Variants in ZFHX3 observed in about 807,000 individuals in gnomAD.
ZFHX3 encodes zinc finger homeobox protein 3.
Under a neutral mutation model 279.1 loss-of-function variants are expected in ZFHX3, and 42 were observed. That is an observed-to-expected ratio of 0.15 (90% CI 0.12 to 0.19). The LOEUF (loss-of-function observed/expected upper bound fraction) is 0.19. ZFHX3 is among the 10% of genes least tolerant of loss of function. The pLI is 1.00. For synonymous variants in ZFHX3, 2,293 were observed against 1,957.8 expected, an observed-to-expected ratio of 1.17 and a Z score of -4.52; for missense variants, 4,981 against 4,754.0, an observed-to-expected ratio of 1.05 and a Z score of -1.40.
chr16:73,526,900 C>T, intron 2 of ZFHX3, among the ~76,000 whole-genome samples: 1 of 151,620 alleles, frequency 6.6e-6, no homozygotes, highest in East Asian at 1.9e-4. Context: ...TTCGGTACCT[C>T]TTTGATTACA....
chr16:73,634,435 TATATATATA>T (rs2052509100), intron 2 of ZFHX3, among the ~76,000 whole-genome samples: 1 of 130,642 alleles, frequency 7.7e-6, no homozygotes, highest in African/African-American at 3.3e-5. Context: ...TTATGTATAA[TATATATATA>T]TATATATATA....
chr16:73,265,111 A>C (rs74831182), intron 4 of ZFHX3, among the ~76,000 whole-genome samples: 2 of 95,966 alleles, frequency 2.1e-5, no homozygotes, highest in African/African-American at 6.6e-5. Flanking sequence ...GTGTGTGTGT[A>C]TATAACAGTT....
chr16:72,844,214 C>T (rs2143802418), intron 4 of ZFHX3, among the ~76,000 whole-genome samples: 1 of 152,284 alleles, frequency 6.6e-6, no homozygotes, highest in South Asian at 2.1e-4. Context: ...TAGCAAAAGC[C>T]AAGTAATTGC....
At chr16:72,891,601 C>T (rs1211409004) in intron 3 of ZFHX3, among the ~76,000 whole-genome samples, 1 of 152,140 alleles carries the variant, frequency 6.6e-6, no homozygotes, top group African/African-American at 2.4e-5. Flanking sequence ...AAACACTCCC[C>T]AAAAGCTTAA....
chr16:73,737,157 C>T (rs376920655), intron 1 of ZFHX3, among the ~76,000 whole-genome samples: 5 of 152,230 alleles, frequency 3.3e-5, no homozygotes, highest in African/African-American at 1.2e-4. Context: ...CTTCAACTTC[C>T]GAAGTAGCTG....
chr16:73,164,875 T>C (rs1007380059), intron 5 of ZFHX3, among the ~76,000 whole-genome samples: 5 of 152,212 alleles, frequency 3.3e-5, no homozygotes, highest in African/African-American at 9.6e-5. Flanking sequence ...ATGAGGCAAA[T>C]GAGTTGCAAG....
chr16:73,659,680 A>T (rs997443234), intron 2 of ZFHX3, among the ~76,000 whole-genome samples: 1 of 152,156 alleles, frequency 6.6e-6, no homozygotes, highest in Non-Finnish European at 1.5e-5. Flanking sequence ...GGCAAAGTCT[A>T]TCCTCCATTT....
In ZFHX3 at chr16:72,858,569, T is replaced by C. The variant is rs570653537; in HGVS notation, c.3449-28710A>G. Among the ~76,000 whole-genome samples the C allele has an allele frequency of 3.3e-5, 5 of 152,318 alleles. No individual in the cohort carries two copies. In the East Asian group the frequency reaches 9.6e-4, roughly 29 times the overall value. On this transcript the variant is annotated intron_variant, in intron 4 of 9. Transcript: ENST00000268489. ...TATCACTGGCTGTACATCAGCAGGGTAGCCAAGTTATGAATGACCTTTCTG... is the reference window on the plus strand; with the variant it reads ...TATCACTGGCTGTACATCAGCAGGGCAGCCAAGTTATGAATGACCTTTCTG...
chr16:73,623,098 G>A (rs376837783), intron 2 of ZFHX3, among the ~76,000 whole-genome samples: 3 of 151,640 alleles, frequency 2.0e-5, no homozygotes, highest in African/African-American at 7.3e-5. Flanking sequence ...CTGCAGTGGC[G>A]CTATCTCGGC....
At chr16:73,024,626 G>A (rs1306319402) in intron 1 of ZFHX3, among the ~76,000 whole-genome samples, 1 of 152,220 alleles carries the variant, frequency 6.6e-6, no homozygotes, top group Non-Finnish European at 1.5e-5. Flanking sequence ...TCCAATGGCA[G>A]CCTTGGGCTG....
Position 72,958,494 on chromosome 16 carries a change from C to T in ZFHX3, c.1652G>A (p.Ser551Asn), listed in dbSNP as rs1331980536. ...QTLSRGTAST[S>N]SNSASSFVVF... ...AACAAAGGAAGAAGCAGAATTAGAA[C>T]TAGTAGAAGCTGTGCCCCTCGACAG... Residue 551 changes from serine (S) to asparagine (N), a missense_variant, in exon 2 of 10, where the codon AGT (serine) becomes AAT (asparagine). Around this residue, in one of 7 missense-constraint regions of ZFHX3, gnomAD observed 1,068 missense variants for 935.2 expected, o/e 1.14. Transcript: ENST00000268489. The T allele has an allele frequency of 1.9e-6, 3 of 1,614,000 alleles. No individual in the cohort carries two copies. Among genetic ancestry groups the T allele is most frequent in the Admixed American group, 1.7e-5 (1 of 60,016 alleles).
At chr16:73,887,433 C>T (rs976812439) in intron 1 of ZFHX3, among the ~76,000 whole-genome samples, 1 of 152,160 alleles carries the variant, frequency 6.6e-6, no homozygotes, top group African/African-American at 2.4e-5. Context: ...GATTTCTATA[C>T]ATGTTCTATA....
At chr16:72,881,152 C>A (rs1198630304) in intron 4 of ZFHX3, among the ~76,000 whole-genome samples, 1 of 152,224 alleles carries the variant, frequency 6.6e-6, no homozygotes, top group Non-Finnish European at 1.5e-5. Flanking sequence ...ACCTTCTGAA[C>A]TGCTCTAGAA....
intron 4 of ZFHX3, among the ~76,000 whole-genome samples, chr16:72,850,086 T>C (rs2037578420): frequency 6.6e-6 from 1 of 152,136 alleles, no homozygotes; most frequent in African/African-American, 2.4e-5. Context: ...ATAGAAATGA[T>C]TCAGGCCCCA....
chr16:73,488,650 T>C (rs1290921672), intron 2 of ZFHX3, among the ~76,000 whole-genome samples: 1 of 152,176 alleles, frequency 6.6e-6, no homozygotes, highest in Non-Finnish European at 1.5e-5. Flanking sequence ...GGCACTTGTC[T>C]GACTTAGGAA....
At position 73,139,063 on chromosome 16, in the gene ZFHX3, C is replaced by G. The variant is rs78123707; in HGVS notation, c.-1024+4689G>C. On this transcript the variant is annotated intron_variant, in intron 6 of 17. Transcript: ENST00000641206. ...AACATTTGGTTGAAGGGGACAGCAT[C>G]TCCAGCAATTCCGCCTTACAGAAAT... Among the ~76,000 whole-genome samples the G allele has an allele frequency of 9.4e-3, 1,439 of 152,294 alleles. 24 individuals carry two copies. Among genetic ancestry groups the G allele is most frequent in the African/African-American group, 0.033 (1,372 of 41,542 alleles).
chr16:72,986,571 T>G (rs1346364340), intron 1 of ZFHX3, among the ~76,000 whole-genome samples: 1 of 152,178 alleles, frequency 6.6e-6, no homozygotes, highest in Non-Finnish European at 1.5e-5. Context: ...TTATTAGCAG[T>G]GGAAATTAAC....
intron 8 of ZFHX3, among the ~76,000 whole-genome samples, chr16:73,087,083 A>G (rs1966018823): frequency 6.6e-6 from 1 of 152,218 alleles, no homozygotes; most frequent in African/African-American, 2.4e-5. Context: ...GCCCCCCGAA[A>G]TAGGTACAAC....
intron 4 of ZFHX3, among the ~76,000 whole-genome samples, chr16:72,830,524 G>C (rs901398704): frequency 3.9e-5 from 6 of 152,232 alleles, no homozygotes; most frequent in African/African-American, 1.4e-4. Flanking sequence ...TTGTAACAGA[G>C]TCGTACACTT....
Sources: allele counts gnomAD v4.1 joint callset (sites outside exome capture counted in the v4.1 genomes callset), GRCh38; gene constraint gnomAD v4.1.1; regional missense constraint gnomAD v4.1.1; transcripts MANE v1.5; gene names NCBI Gene and HGNC (gene_info 2026-07-23, HGNC 2026-07-21).